The following MYO18A variants were observed in gnomAD, a reference collection of about 807,000 sequenced individuals.
MYO18A encodes the protein unconventional myosin-XVIIIa.
A neutral mutation model predicts 235.8 loss-of-function variants in MYO18A; 78 were observed. The observed-to-expected ratio is 0.33, with a 90% CI of 0.28 to 0.40. The LOEUF is 0.40. MYO18A is among the 10% of genes least tolerant of loss of function. The pLI, the probability that MYO18A is intolerant of heterozygous loss-of-function variation, is 1.00. For synonymous variants in MYO18A, 977 were observed against 1,077.8 expected (o/e 0.91, Z 1.83); for missense variants, 2,215 against 2,699.3 (o/e 0.82, Z 3.98).
intron 41 of MYO18A, chr17:29,080,068 C>T (rs557032802): frequency 2.8e-5 from 28 of 985,960 alleles, no homozygotes; most frequent in Non-Finnish European, 3.4e-5. Context: ...CCTTCGCCGG[C>T]TCCGGCTCTT....
chr17:29,158,229 G>A lies in MYO18A; in HGVS notation c.999+7713C>T, dbSNP rs532374820. 5.4e-4 allele frequency among the ~76,000 whole-genome samples: 82 copies of A among 152,332 alleles called. No individual in the cohort carries two copies. Among genetic ancestry groups the A allele is most frequent in the African/African-American group, 2.0e-3 (82 of 41,568 alleles). ...CATCCTGCCCTGGCCCAGAGTCTGT[G>A]CAAAGCAACCGGGCTGAGTCGCACC... On this transcript the variant is annotated intron_variant, in intron 2 of 41. Transcript: ENST00000527372. This position sits in a 1 kb window ranked among gnomAD's most constrained non-coding sequence, Gnocchi z 4.3.
rs116017347 is a variant in MYO18A, at chr17:29,111,986, T to C, written c.2599-123A>G. The C allele has an allele frequency of 2.4e-6, 3 of 1,253,334 alleles. No homozygotes were observed. The highest frequency in any genetic ancestry group is 3.3e-6 in the Non-Finnish European group (3 of 916,024). The allele number at this position is 1,253,334 out of a possible 1,614,324, so 77.6% of individuals were successfully genotyped here. ...ATGTGCACACATGCACACACGCACA[T>C]GCCGCAGCTCCTGCCGCTCACTGCT... On this transcript the variant is annotated intron_variant, in intron 15 of 41. Transcript: ENST00000527372. The surrounding 1 kb of genome is among the most constrained non-coding windows in gnomAD (Gnocchi z 5.1).
At chr17:29,144,359 G>A (rs1370017720) in intron 2 of MYO18A, among the ~76,000 whole-genome samples, 2 of 152,150 alleles carry the variant, frequency 1.3e-5, no homozygotes, top group Non-Finnish European at 2.9e-5. Flanking sequence ...CACCACCAGA[G>A]CCATTCCTTA....
chr17:29,092,259 C>G, intron 34 of MYO18A, 84 bp downstream of exon 34: 1 of 987,040 alleles, frequency 1.0e-6, no homozygotes, highest in East Asian at 2.6e-5. Context: ...GTGGAGGGAC[C>G]TGTCTAGGGT....
intron 34 of MYO18A, 86 bp downstream of exon 34, chr17:29,092,257 A>G (rs533756992): frequency 2.1e-6 from 2 of 957,422 alleles, no homozygotes; most frequent in South Asian, 2.9e-5. Flanking sequence ...ACGTGGAGGG[A>G]CCTGTCTAGG....
At position 29,074,374 on chromosome 17, in the gene MYO18A, T is replaced by A; in HGVS notation, c.*396A>T. 1 of 662,780 alleles carries A rather than the reference T, an allele frequency of 1.5e-6. No individual in the cohort carries two copies. Among genetic ancestry groups the A allele is most frequent in the Non-Finnish European group, 2.6e-6 (1 of 386,658 alleles). 41.1% of individuals were successfully genotyped at this position (662,780 alleles called of 1,614,324 possible). On this transcript the variant is annotated 3_prime_UTR_variant, in exon 42 of 42. Transcript: ENST00000527372. The surrounding 1 kb of genome is among the most constrained non-coding windows in gnomAD (Gnocchi z 4.4). ...GAAGGCACTGCTTCTCCTCCCCCAA[T>A]CCTCCCCATGGACCCAGCAACCTAG...
At position 29,121,745 on chromosome 17, in the gene MYO18A, TG is replaced by T; in HGVS notation, c.1195-23del. The T allele has an allele frequency of 6.4e-7, 1 of 1,562,486 alleles. No homozygotes were observed. Among genetic ancestry groups the T allele is most frequent in the Middle Eastern group, 1.7e-4 (1 of 5,878 alleles). Reference sequence around the variant, plus strand: ...TAGCCTGTGTGGGAGGACAGGCGGGTGGGTATTAGAGCAGCAGAGCCCATCT... The same window carrying T: ...TAGCCTGTGTGGGAGGACAGGCGGGTGGTATTAGAGCAGCAGAGCCCATCT... On this transcript the variant is annotated intron_variant, in intron 4 of 41. Transcript: ENST00000527372. This position sits in a 1 kb window ranked among gnomAD's most constrained non-coding sequence, Gnocchi z 4.2.
At chr17:29,161,104 C>T (rs960367651) in intron 2 of MYO18A, among the ~76,000 whole-genome samples, 1 of 152,170 alleles carries the variant, frequency 6.6e-6, no homozygotes, top group Non-Finnish European at 1.5e-5. Context: ...CCTATAATCC[C>T]AGCACTTTGG....
In MYO18A at chr17:29,121,993, G is replaced by C. The variant is rs1280190594; in HGVS notation, c.1088-36C>G. ...GGGACAGACAGCTGGGATGGGCCTG[G>C]GAAGCCTCTGCTACTCCACTTGGGA... On this transcript the variant is annotated intron_variant, in intron 3 of 41. Transcript: ENST00000527372. The surrounding 1 kb of genome is among the most constrained non-coding windows in gnomAD (Gnocchi z 4.2). 6.2e-7 allele frequency: 1 copy of C among 1,603,904 alleles called. No homozygotes were observed. Among genetic ancestry groups the C allele is most frequent in the South Asian group, 1.1e-5 (1 of 90,914 alleles).
Position 29,109,951 on chromosome 17 carries a change from A to C in MYO18A, c.3238T>G (p.Cys1080Gly), listed in dbSNP as rs543236838. The C allele has an allele frequency of 2.5e-6, 4 of 1,608,600 alleles. No homozygotes were observed. Among genetic ancestry groups the C allele is most frequent in the South Asian group, 1.1e-5 (1 of 89,928 alleles). The change falls in exon 19 of 42, where the codon TGC becomes GGC. Residue 1080 changes from cysteine to glycine, a missense_variant. Coordinates refer to ENST00000527372, the MANE Select transcript of MYO18A (RefSeq NM_078471.4). The surrounding 1 kb of genome is among the most constrained non-coding windows in gnomAD (Gnocchi z 4.1). Reference protein sequence around the residue: ...SELDLPSGDHCEAGLLQLDVP... With the variant: ...SELDLPSGDHGEAGLLQLDVP... ...TCGAGCTGCAGGAGCCCAGCCTCGC[A>C]GTGGTCTCCCGAGGGCAGGTCCAGC...
intron 1 of MYO18A, among the ~76,000 whole-genome samples, chr17:29,172,647 C>A (rs376579164): frequency 1.3e-5 from 2 of 151,966 alleles, no homozygotes; most frequent in African/African-American, 4.8e-5. Context: ...CAGAGAGGTA[C>A]CTAATAGTAG....
At chr17:29,112,925 G>A (rs1196959381) in intron 15 of MYO18A, among the ~76,000 whole-genome samples, 2 of 152,238 alleles carry the variant, frequency 1.3e-5, no homozygotes, top group Non-Finnish European at 2.9e-5. Flanking sequence ...GCAATGAGAT[G>A]GGAAGACAGG....
chr17:29,174,555 C>T (rs1408513061), intron 1 of MYO18A, among the ~76,000 whole-genome samples: 1 of 152,048 alleles, frequency 6.6e-6, no homozygotes, highest in African/African-American at 2.4e-5. Context: ...TGGCTCACAA[C>T]TGTAATCCCA....
At chr17:29,091,994 T>C (rs1475030422) in intron 34 of MYO18A, 13 of 355,408 alleles carry the variant, frequency 3.7e-5, no homozygotes, top group South Asian at 3.4e-4. Flanking sequence ...CCTGTCCTCT[T>C]ATCTGTGCTT....
chr17:29,154,075 A>G (rs1417049024), intron 2 of MYO18A, among the ~76,000 whole-genome samples: 1 of 150,448 alleles, frequency 6.6e-6, no homozygotes, highest in African/African-American at 2.5e-5. Context: ...CTGGGAGAAA[A>G]GGACAACCCA....
At position 29,074,502 on chromosome 17, in the gene MYO18A, G is replaced by A. The variant is rs985448565; in HGVS notation, c.*268C>T. Reference sequence around the variant, plus strand: ...TGCCAGGCCACCTGCCACTGCCCACGGTGACACAGGGTAGAAGCCAAGAGT... The same window carrying A: ...TGCCAGGCCACCTGCCACTGCCCACAGTGACACAGGGTAGAAGCCAAGAGT... On this transcript the variant is annotated 3_prime_UTR_variant, in exon 42 of 42. Transcript: ENST00000527372. The surrounding 1 kb of genome is among the most constrained non-coding windows in gnomAD (Gnocchi z 4.4). 8.7e-6 allele frequency: 5 copies of A among 575,876 alleles called. No homozygotes were observed. The highest frequency in any genetic ancestry group is 6.1e-5 in the Admixed American group (2 of 32,658). The allele number at this position is 575,876 out of a possible 1,614,324, so 35.7% of individuals were successfully genotyped here.
intron 41 of MYO18A, chr17:29,079,930 G>GT: frequency 2.0e-6 from 2 of 985,916 alleles, no homozygotes; most frequent in Non-Finnish European, 2.4e-6. Context: ...CTCAGACTCC[G>GT]TCTCCGTTCT....
At chr17:29,162,983 C>A (rs865889809) in intron 2 of MYO18A, among the ~76,000 whole-genome samples, 1 of 152,210 alleles carries the variant, frequency 6.6e-6, no homozygotes, top group Non-Finnish European at 1.5e-5. Flanking sequence ...TGGAGAGGAG[C>A]CGGGGGCCTG....
Position 29,140,531 on chromosome 17 carries a change from G to A in MYO18A, c.1000-18278C>T. ...CCGGAGGACTTCGGGTATCAGGTAT[G>A]CCAGGAGGGAGAGGGTGATACAGCA... On this transcript the variant is annotated intron_variant, in intron 2 of 41. Coordinates refer to ENST00000527372, the MANE Select transcript of MYO18A (RefSeq NM_078471.4). The surrounding 1 kb of genome is among the most constrained non-coding windows in gnomAD (Gnocchi z 4.2). The A allele has an allele frequency of 6.0e-6, 4 of 664,630 alleles. No individual in the cohort carries two copies. Among genetic ancestry groups the A allele is most frequent in the Non-Finnish European group, 8.4e-6 (4 of 476,812 alleles). 41.2% of individuals were successfully genotyped at this position (664,630 alleles called of 1,614,324 possible). A position where few individuals can be genotyped will look rare whatever the true frequency, so the allele number is the denominator to read the frequency against.
Sources: gnomAD v4.1 joint callset for allele counts (sites outside exome capture counted in the v4.1 genomes callset) on GRCh38, gnomAD v4.1.1 for gene constraint, Gnocchi (gnomAD v3.1) non-coding constraint, MANE v1.5 for transcripts, NCBI Gene and HGNC (gene_info 2026-07-23, HGNC 2026-07-21) for gene names.